HPCAL1: variants seen among roughly 807,000 people sequenced by gnomAD.
HPCAL1 encodes the protein hippocalcin like 1, also known as hippocalcin-like protein 1.
In HPCAL1, 8 loss-of-function variants were observed where a neutral mutation model predicts 17.1. The ratio of observed to expected loss-of-function variants is 0.47; its 90% CI spans 0.27 to 0.84. The LOEUF is 0.84. HPCAL1 is among the 40% of genes least tolerant of loss of function. The pLI is 0.13. For synonymous variants in HPCAL1, 112 were observed against 111.4 expected (o/e 1.01, Z -0.03); for missense variants, 165 against 271.1 (o/e 0.61, Z 2.75).
At chr2:10,418,408 A>G (rs775035551) in intron 2 of HPCAL1, among the ~76,000 whole-genome samples, 1 of 143,294 alleles carries the variant, frequency 7.0e-6, no homozygotes, top group African/African-American at 2.6e-5. Flanking sequence ...CACACTCCTC[A>G]TAAGTGCCTG....
In HPCAL1 at chr2:10,372,434, C is replaced by G. The variant is rs558131116; in HGVS notation, c.-110-24401C>G. Among the ~76,000 whole-genome samples, 13 of 152,272 alleles carry G rather than the reference C, an allele frequency of 8.5e-5. No individual in the cohort carries two copies. The South Asian group carries it at 2.1e-3, about 24-fold the overall frequency. On this transcript the variant is annotated intron_variant, in intron 1 of 4. Transcript: ENST00000307845. ...TTGATGGGTAAGGCATAATCCCCCC[C>G]CAGGAGCTCCCAGTTGGATTGAGGA... is the stretch of plus-strand genomic sequence containing the variant.
chr2:10,423,243 G>C (rs759215101), intron 4 of HPCAL1, 155 bp downstream of exon 4: 11 of 649,408 alleles, frequency 1.7e-5, no homozygotes, highest in Non-Finnish European at 2.0e-5. Context: ...AGGGAAGAGC[G>C]GGATGCAGTC....
At chr2:10,402,210 C>T (rs1243223348) in intron 2 of HPCAL1, among the ~76,000 whole-genome samples, 1 of 152,162 alleles carries the variant, frequency 6.6e-6, no homozygotes, top group African/African-American at 2.4e-5. Flanking sequence ...AGGAACTGAA[C>T]CTTGGTAGGA....
Position 10,395,239 on chromosome 2 carries a change from A to G in HPCAL1, c.-110-1596A>G, listed in dbSNP as rs528762950. Among the ~76,000 whole-genome samples the G allele has an allele frequency of 7.2e-5, 11 of 152,138 alleles. No individual in the cohort carries two copies. The highest frequency in any genetic ancestry group is 4.1e-4 in the South Asian group (2 of 4,828). Reference sequence around the variant, plus strand: ...ATGACTTTGTCAGGTCTTGAATTCTAGCAGTGAGTTTACATTCCATAATTG... The same window carrying G: ...ATGACTTTGTCAGGTCTTGAATTCTGGCAGTGAGTTTACATTCCATAATTG... On this transcript the variant is annotated intron_variant, in intron 1 of 4. Coordinates refer to ENST00000307845, the MANE Select transcript of HPCAL1 (RefSeq NM_002149.4). The surrounding 1 kb of genome is among the most constrained non-coding windows in gnomAD (Gnocchi z 4.4).
intron 1 of HPCAL1, among the ~76,000 whole-genome samples, chr2:10,383,098 C>T (rs186584072): frequency 4.3e-4 from 65 of 152,296 alleles, no homozygotes; most frequent in African/African-American, 1.5e-3. Flanking sequence ...TCTGGCTGGG[C>T]GCGGCGGCTC....
At chr2:10,420,158 G>T in intron 3 of HPCAL1, 23 bp downstream of exon 3, 2 of 1,587,376 alleles carry the variant, frequency 1.3e-6, no homozygotes, top group Non-Finnish European at 1.7e-6. Context: ...GAGGCCCCGG[G>T]TCTCACCGCG....
In HPCAL1 at chr2:10,326,148, A is replaced by T. The variant is rs112137049; in HGVS notation, c.-111+22971A>T. On this transcript the variant is annotated intron_variant, in intron 1 of 4. Coordinates refer to ENST00000307845, the MANE Select transcript of HPCAL1 (RefSeq NM_002149.4). ...CATGCCTGTTAGGTGCTTGGTGAACAAAGGCATCCCAGACAGAATCAACCC... is the reference window on the plus strand; with the variant it reads ...CATGCCTGTTAGGTGCTTGGTGAACTAAGGCATCCCAGACAGAATCAACCC... Among the ~76,000 whole-genome samples, 501 of 152,322 alleles carry T rather than the reference A, an allele frequency of 3.3e-3. 4 individuals are homozygous for T. The highest frequency in any genetic ancestry group is 0.011 in the African/African-American group (474 of 41,574).
chr2:10,420,989 C>T (rs1335567670), intron 3 of HPCAL1, among the ~76,000 whole-genome samples: 2 of 152,080 alleles, frequency 1.3e-5, no homozygotes, highest in South Asian at 2.1e-4. Flanking sequence ...TTAAACTCCT[C>T]ACCTCAGTTG....
rs182219163 is a variant in HPCAL1 at position 10,384,402 on chromosome 2, A to C, written c.-110-12433A>C. The stretch of plus-strand genomic sequence containing the variant: ...TTTTGGGCACCCACCCTGGGGAGAG[A>C]GGAGAGCCCAGGTTACCATCTGTGG... On this transcript the variant is annotated intron_variant, in intron 1 of 4. Transcript: ENST00000307845. The surrounding 1 kb of genome is among the most constrained non-coding windows in gnomAD (Gnocchi z 4.4). 1.3e-5 allele frequency among the ~76,000 whole-genome samples: 2 copies of C among 152,260 alleles called. No individual in the cohort carries two copies. The highest frequency in any genetic ancestry group is 2.9e-5 in the Non-Finnish European group (2 of 67,986).
intron 2 of HPCAL1, among the ~76,000 whole-genome samples, chr2:10,403,689 G>C (rs533769880): frequency 9.0e-4 from 137 of 151,972 alleles, no homozygotes; most frequent in African/African-American, 3.0e-3. Context: ...TACCATGTTG[G>C]CCAGGCTGGT....
intron 4 of HPCAL1, chr2:10,424,454 G>A (rs1346648665): frequency 4.3e-6 from 2 of 467,346 alleles, no homozygotes; most frequent in African/African-American, 4.0e-5. Flanking sequence ...AGGTTTCAGC[G>A]AGATGATGCC....
At chr2:10,334,070 C>G (rs1664551862) in intron 1 of HPCAL1, among the ~76,000 whole-genome samples, 1 of 152,208 alleles carries the variant, frequency 6.6e-6, no homozygotes, top group African/African-American at 2.4e-5. Context: ...TTTTCTTTCC[C>G]CAGTGACCAA....
At chr2:10,388,223 C>T (rs150780658) in intron 1 of HPCAL1, among the ~76,000 whole-genome samples, 1 of 152,142 alleles carries the variant, frequency 6.6e-6, no homozygotes, top group Non-Finnish European at 1.5e-5. Context: ...TCCCCGGGGC[C>T]GTCGGCATTT....
At chr2:10,404,940 G>A (rs962094539) in intron 2 of HPCAL1, among the ~76,000 whole-genome samples, 8 of 152,190 alleles carry the variant, frequency 5.3e-5, no homozygotes, top group Non-Finnish European at 1.2e-4. Flanking sequence ...ACCTCCCGCC[G>A]GGCTGTGCTC....
chr2:10,312,170 CCACCATCAT>C (rs1440302293), intron 1 of HPCAL1, among the ~76,000 whole-genome samples: 1 of 149,488 alleles, frequency 6.7e-6, no homozygotes, highest in Non-Finnish European at 1.5e-5. Flanking sequence ...ACTATCATCC[CCACCATCAT>C]CACCATCACC....
At chr2:10,307,658 T>G (rs1288857798) in intron 1 of HPCAL1, among the ~76,000 whole-genome samples, 2 of 152,200 alleles carry the variant, frequency 1.3e-5, no homozygotes, top group Non-Finnish European at 2.9e-5. Context: ...TGGAGCTCTT[T>G]CTCTGTCTTC....
At position 10,426,881 on chromosome 2, in the gene HPCAL1, C is replaced by A; in HGVS notation, c.*60C>A. 6.8e-7 allele frequency: 1 copy of A among 1,469,466 alleles called. No individual in the cohort carries two copies. Among genetic ancestry groups the A allele is most frequent in the Non-Finnish European group, 9.5e-7 (1 of 1,051,224 alleles). 91.0% of individuals were successfully genotyped at this position (1,469,466 alleles called of 1,614,324 possible). ...GGCTTGTCGTGCCGTTTAAGCTTTG[C>A]TTGCAAGAGTGGATGCCCCGCAATC... On this transcript the variant is annotated 3_prime_UTR_variant, in exon 5 of 5. Transcript: ENST00000307845.
In HPCAL1 at chr2:10,419,646, C is replaced by A. The variant is rs1670908006; in HGVS notation, c.-24-88C>A. The A allele has an allele frequency of 2.3e-6, 3 of 1,320,912 alleles. No homozygotes were observed. Among genetic ancestry groups the A allele is most frequent in the African/African-American group, 1.5e-5 (1 of 67,852 alleles). The allele number at this position is 1,320,912 out of a possible 1,614,324, so 81.8% of individuals were successfully genotyped here. A position where few individuals can be genotyped will look rare whatever the true frequency, so the allele number is the denominator to read the frequency against. ...TTGCTGAGTCGCAGCGCTTGCACAG[C>A]GATGGGCTTATTTGGTCTCTCCGGC... On this transcript the variant is annotated intron_variant, in intron 2 of 4. Coordinates refer to ENST00000307845, the MANE Select transcript of HPCAL1 (RefSeq NM_002149.4). This position sits in a 1 kb window ranked among gnomAD's most constrained non-coding sequence, Gnocchi z 5.0.
At chr2:10,314,531 G>A (rs1663185793) in intron 1 of HPCAL1, among the ~76,000 whole-genome samples, 1 of 152,172 alleles carries the variant, frequency 6.6e-6, no homozygotes, top group Admixed American at 6.5e-5. Context: ...AGATTCTTAG[G>A]CTGTAGATCG....
Sources: allele counts gnomAD v4.1 joint callset (sites outside exome capture counted in the v4.1 genomes callset), GRCh38; gene constraint gnomAD v4.1.1; non-coding constraint Gnocchi (gnomAD v3.1); transcripts MANE v1.5; gene names NCBI Gene and HGNC (gene_info 2026-07-23, HGNC 2026-07-21).